NUTM2B: variants seen among roughly 807,000 people sequenced by gnomAD.
The protein encoded by NUTM2B is NUT family member 2B.
Under a neutral mutation model 42.4 loss-of-function variants are expected in NUTM2B, and 2 were observed. That is an observed-to-expected ratio of 0.05 (90% CI 0.02 to 0.15). The LOEUF (loss-of-function observed/expected upper bound fraction) is 0.15, where lower values mean the gene tolerates loss of function less well. NUTM2B is among the 10% of genes least tolerant of loss of function. The pLI, the probability that NUTM2B is intolerant of heterozygous loss-of-function variation, is 1.00. For missense variants in NUTM2B, 58 were observed against 952.6 expected (o/e 0.06, Z 12.36); for synonymous variants, 18 against 402.4 (o/e 0.04, Z 11.43).
the NUTM2B span, among the ~76,000 whole-genome samples, chr10:79,692,476 C>G: frequency 2.0e-5 from 3 of 152,292 alleles, no homozygotes; most frequent in Admixed American, 2.0e-4. Flanking sequence ...AGAGCCTGTA[C>G]CCTTGACCTG....
chr10:79,694,409 G>A, the NUTM2B span, among the ~76,000 whole-genome samples: 35,927 of 145,594 alleles, frequency 0.25, 5,318 homozygotes, highest in East Asian at 0.68. Flanking sequence ...AAAAAAAAAA[G>A]AAAGAAAGAA....
At chr10:79,700,446 T>C (rs139793796), upstream of NUTM2B, among the ~76,000 whole-genome samples, 574 of 129,382 alleles carry the variant, frequency 4.4e-3, no homozygotes, top group East Asian at 6.8e-3. Flanking sequence ...CCCCCCTCAC[T>C]TCAGGGCCAG....
intron 2 of NUTM2B, among the ~76,000 whole-genome samples, chr10:79,707,358 A>G (rs1440627043): frequency 7.5e-6 from 1 of 132,474 alleles, no homozygotes; most frequent in Admixed American, 7.9e-5. Flanking sequence ...GAGCTCACAT[A>G]TGACATGCAT....
At chr10:79,700,835 A>C (rs576130800), upstream of NUTM2B, among the ~76,000 whole-genome samples, 2 of 152,186 alleles carry the variant, frequency 1.3e-5, no homozygotes, top group Non-Finnish European at 2.9e-5. Context: ...GCAGGCCAGG[A>C]GCCCGCCCTA....
chr10:79,709,613 G>A (rs1365712333), intron 3 of NUTM2B, among the ~76,000 whole-genome samples, 187 bp from the exon 4 acceptor site: 1 of 132,600 alleles, frequency 7.5e-6, no homozygotes, highest in East Asian at 2.5e-4. Flanking sequence ...TGCAGGGGCC[G>A]GGTGAGGGAG....
At position 79,703,892 on chromosome 10, in the gene NUTM2B, CCAGGT is replaced by C. The variant is rs1840342080; in HGVS notation, c.286_290del (p.Gly96LeufsTer24). The stretch of plus-strand genomic sequence containing the variant: ...GTTGGACTCAGGAGCATCTGGTGAG[CCAGGT>C]CACTCTCTGGGTCTTACCCTTGGCT... On this transcript the variant is annotated frameshift_variant, in exon 1 of 7. Transcript: ENST00000429828. LOFTEE classifies it high-confidence loss of function. The C allele has an allele frequency of 9.4e-7, 1 of 1,058,608 alleles. No individual in the cohort carries two copies. The highest frequency in any genetic ancestry group is 1.2e-6 in the Non-Finnish European group (1 of 802,742). The allele number at this position is 1,058,608 out of a possible 1,614,324, so 65.6% of individuals were successfully genotyped here. A position where few individuals can be genotyped will look rare whatever the true frequency, so the allele number is the denominator to read the frequency against.
chr10:79,698,240 T>C (rs936079089), upstream of NUTM2B, among the ~76,000 whole-genome samples: 1 of 150,638 alleles, frequency 6.6e-6, no homozygotes, highest in African/African-American at 2.4e-5. Flanking sequence ...CATGGGCACA[T>C]ACAAACTCAC....
the NUTM2B span, among the ~76,000 whole-genome samples, chr10:79,697,736 C>A: frequency 1.5e-3 from 187 of 128,808 alleles, 2 homozygotes; most frequent in African/African-American, 5.2e-3. Context: ...GGCATAGGCT[C>A]AAAAAAAAAA....
the NUTM2B span, among the ~76,000 whole-genome samples, chr10:79,696,537 CA>C: frequency 6.6e-6 from 1 of 151,726 alleles, no homozygotes; most frequent in Non-Finnish European, 1.5e-5. Flanking sequence ...CCATAGCCTC[CA>C]TTAAAGGAGA....
At chr10:79,699,388 A>C (rs1246098146), upstream of NUTM2B, among the ~76,000 whole-genome samples, 1 of 151,808 alleles carries the variant, frequency 6.6e-6, no homozygotes. Flanking sequence ...TACATCTCAT[A>C]TTCTCCAAAT....
At chr10:79,705,249 T>C (rs1026904834) in intron 1 of NUTM2B, among the ~76,000 whole-genome samples, 2 of 145,234 alleles carry the variant, frequency 1.4e-5, no homozygotes, top group Non-Finnish European at 3.0e-5. Flanking sequence ...GCTGGCTGTG[T>C]TCTAATCGTG....
chr10:79,695,469 C>T, the NUTM2B span, among the ~76,000 whole-genome samples: 1 of 152,188 alleles, frequency 6.6e-6, no homozygotes, highest in Non-Finnish European at 1.5e-5. Context: ...ATATTCTCAA[C>T]ACTGGGTACC....
chr10:79,693,683 T>C, the NUTM2B span, among the ~76,000 whole-genome samples: 1 of 152,190 alleles, frequency 6.6e-6, no homozygotes, highest in Non-Finnish European at 1.5e-5. Flanking sequence ...TCCAAGAAGA[T>C]CTACCTGGTA....
chr10:79,692,340 T>C, the NUTM2B span, among the ~76,000 whole-genome samples: 1 of 152,222 alleles, frequency 6.6e-6, no homozygotes, highest in African/African-American at 2.4e-5. Flanking sequence ...CCTGTGGAGT[T>C]AGCACTATTA....
At chr10:79,701,360 A>G (rs3881470), upstream of NUTM2B, among the ~76,000 whole-genome samples, 3,614 of 150,118 alleles carry the variant, frequency 0.024, 213 homozygotes, top group African/African-American at 0.082. Flanking sequence ...ACAATTCCAC[A>G]CTCCCCATCC....
upstream of NUTM2B, among the ~76,000 whole-genome samples, chr10:79,702,596 G>A (rs537663956): frequency 1.1e-4 from 17 of 151,080 alleles, 1 homozygote; most frequent in East Asian, 2.3e-3. Flanking sequence ...GTGCCGACAG[G>A]GTGTGTTTCA....
chr10:79,697,724 T>C, the NUTM2B span, among the ~76,000 whole-genome samples: 2 of 132,180 alleles, frequency 1.5e-5, no homozygotes, highest in African/African-American at 5.7e-5. Flanking sequence ...GAAAATCCTA[T>C]AGGCATAGGC....
At chr10:79,700,887 C>A (rs959752289), upstream of NUTM2B, among the ~76,000 whole-genome samples, 1 of 152,332 alleles carries the variant, frequency 6.6e-6, no homozygotes, top group African/African-American at 2.4e-5. Flanking sequence ...GGACGCGGCA[C>A]CTGGGTGCTT....
intron 4 of NUTM2B, 98 bp downstream of exon 4, chr10:79,710,037 A>G: frequency 2.4e-6 from 1 of 418,062 alleles, no homozygotes; most frequent in East Asian, 4.3e-5. Flanking sequence ...CGAGAGGGGG[A>G]TTTGCTCCCT....
Sources: gnomAD v4.1 joint callset for allele counts (sites outside exome capture counted in the v4.1 genomes callset) on GRCh38, gnomAD v4.1.1 for gene constraint, MANE v1.5 for transcripts, NCBI Gene and HGNC (gene_info 2026-07-23, HGNC 2026-07-21) for gene names.